ANKRD31: variants seen among roughly 807,000 people sequenced by gnomAD.
ANKRD31 encodes the protein ankyrin repeat domain 31, also known as ankyrin repeat domain-containing protein 31.
In ANKRD31, 147 loss-of-function variants were observed where a neutral mutation model predicts 186.0. The ratio of observed to expected loss-of-function variants is 0.79; its 90% CI spans 0.69 to 0.91. The LOEUF is 0.91. Among genes scored for constraint, ANKRD31 ranks in the 40% least tolerant of loss-of-function variants. The probability of loss-of-function intolerance (pLI) is 0.00; values close to 1 mark genes in which losing one functional copy is unlikely to be tolerated. For synonymous variants in ANKRD31, 673 were observed against 736.4 expected, an observed-to-expected ratio of 0.91 and a Z score of 1.39; for missense variants, 1,986 against 2,148.8, an observed-to-expected ratio of 0.92 and a Z score of 1.50.
chr5:75,119,714 G>T (rs1030434496), intron 17 of ANKRD31, among the ~76,000 whole-genome samples: 3 of 152,204 alleles, frequency 2.0e-5, no homozygotes, highest in Non-Finnish European at 2.9e-5. Context: ...CCTACCAACA[G>T]TGTACAAGTG....
At chr5:75,202,132 A>G (rs1403166378) in intron 5 of ANKRD31, among the ~76,000 whole-genome samples, 1 of 152,170 alleles carries the variant, frequency 6.6e-6, no homozygotes, top group Non-Finnish European at 1.5e-5. Context: ...CTGTGCCCTG[A>G]CCACCTTGGG....
At chr5:75,141,508 G>A (rs1751044665) in intron 15 of ANKRD31, among the ~76,000 whole-genome samples, 1 of 152,078 alleles carries the variant, frequency 6.6e-6, no homozygotes, top group African/African-American at 2.4e-5. Flanking sequence ...TGAGGCAGCA[G>A]GAGTTTGAGA....
intron 3 of ANKRD31, among the ~76,000 whole-genome samples, chr5:75,222,003 A>T (rs1007190133): frequency 6.6e-6 from 1 of 152,210 alleles, no homozygotes; most frequent in South Asian, 2.1e-4. Context: ...ACAGAGGGTC[A>T]GCATCCCTAA....
At chr5:75,156,259 G>A (rs1482126555) in intron 11 of ANKRD31, among the ~76,000 whole-genome samples, 2 of 152,124 alleles carry the variant, frequency 1.3e-5, no homozygotes, top group Non-Finnish European at 2.9e-5. Context: ...TAATAACTAG[G>A]TGGTCTTGGG....
intron 10 of ANKRD31, among the ~76,000 whole-genome samples, chr5:75,173,805 C>A (rs1459478228): frequency 6.6e-6 from 1 of 152,104 alleles, no homozygotes; most frequent in Admixed American, 6.5e-5. Context: ...GCCATACTGC[C>A]CAAGGTAATT....
intron 17 of ANKRD31, among the ~76,000 whole-genome samples, chr5:75,129,225 A>G (rs976132652): frequency 1.3e-5 from 2 of 152,168 alleles, no homozygotes; most frequent in African/African-American, 4.8e-5. Context: ...ACCTTCCACC[A>G]TGATTTTAAG....
rs1580423682 is a variant in ANKRD31, at chr5:75,144,060, T to C, written c.3536A>G (p.His1179Arg). The change falls in exon 15 of 26, where the codon CAC (histidine) becomes CGC (arginine). Residue 1179 changes from histidine to arginine, a missense_variant. Transcript: ENST00000506364. ...EIHMPTNSQEHKTVQNFRKRQ... is the reference protein window; with the variant it reads ...EIHMPTNSQERKTVQNFRKRQ... ...TTTTCTGAAATTCTGAACTGTTTTGTGTTCTTGGCTATTAGTAGGCATGTG... is the reference window on the plus strand; with the variant it reads ...TTTTCTGAAATTCTGAACTGTTTTGCGTTCTTGGCTATTAGTAGGCATGTG... 2 of 397,618 alleles carry C rather than the reference T, an allele frequency of 5.0e-6. No individual in the cohort carries two copies. The highest frequency in any genetic ancestry group is 7.2e-5 in the East Asian group (2 of 27,938). 24.6% of individuals were successfully genotyped at this position (397,618 alleles called of 1,614,324 possible). A position where few individuals can be genotyped will look rare whatever the true frequency, so the allele number is the denominator to read the frequency against.
intron 10 of ANKRD31, among the ~76,000 whole-genome samples, chr5:75,178,519 A>T (rs1440271869): frequency 2.0e-5 from 3 of 152,206 alleles, no homozygotes; most frequent in African/African-American, 7.2e-5. Flanking sequence ...AAGAATGGAA[A>T]TTATAACAAA....
Position 75,118,284 on chromosome 5 carries a change from A to T in ANKRD31, c.3890T>A (p.Leu1297Gln). 1 of 1,498,754 alleles carries T rather than the reference A, an allele frequency of 6.7e-7. No individual in the cohort carries two copies. 92.8% of individuals were successfully genotyped at this position (1,498,754 alleles called of 1,614,324 possible). The change falls in exon 18 of 26, where the codon CTA (leucine) becomes CAA (glutamine). Residue 1297 changes from leucine to glutamine, a missense_variant. Leu to Gln is a moderately radical substitution (Grantham distance 113). Coordinates refer to ENST00000506364, the MANE Select transcript of ANKRD31 (RefSeq NM_001372053.1). Reference protein sequence around the residue: ...ANNHLKAAEILLQNGANPNQK... With the variant: ...ANNHLKAAEIQLQNGANPNQK... ...ATTAGGGTTTGCTCCATTTTGTAGT[A>T]GAATCTCAGCTGCCTACAAAGTATT...
At chr5:75,153,759 A>G (rs928104469) in intron 12 of ANKRD31, among the ~76,000 whole-genome samples, 10 of 152,148 alleles carry the variant, frequency 6.6e-5, no homozygotes, top group African/African-American at 2.4e-4. Context: ...TTTTATTGAA[A>G]ACTATAGATC....
rs1445954360 is a variant in ANKRD31 at position 75,222,257 on chromosome 5, T to C, written c.280A>G (p.Ile94Val). 2.6e-6 allele frequency: 4 copies of C among 1,533,840 alleles called. No homozygotes were observed. The highest frequency in any genetic ancestry group is 2.4e-5 in the East Asian group (1 of 40,852). Residue 94 changes from isoleucine (I) to valine (V), a missense_variant, in exon 3 of 26, where the codon ATA becomes GTA. Transcript: ENST00000506364. The part of the protein sequence containing the change: ...KMMPVLSEDT[I>V]LQSQDETERN... ...ATCAACATGCTACACACCTGTAATA[T>C]TGTATCCTCGCTAAGAACAGGCATC...
At chr5:75,099,955 CT>C (rs748918671) in intron 22 of ANKRD31, among the ~76,000 whole-genome samples, 10 of 152,080 alleles carry the variant, frequency 6.6e-5, no homozygotes, top group Non-Finnish European at 1.3e-4. Flanking sequence ...TATTTCTTGA[CT>C]TCTGCTAGCT....
intron 10 of ANKRD31, among the ~76,000 whole-genome samples, chr5:75,171,705 A>C (rs1054624635): frequency 6.6e-5 from 10 of 151,934 alleles, no homozygotes; most frequent in East Asian, 3.9e-4. Context: ...CTAAAAAAAA[A>C]CCACAACTTA....
chr5:75,230,435 T>C, intron 2 of ANKRD31, 127 bp downstream of exon 2: 2 of 637,068 alleles, frequency 3.1e-6, no homozygotes, highest in Non-Finnish European at 5.2e-6. Flanking sequence ...AATTAGCTTA[T>C]GGTAAAATTG....
chr5:75,193,067 A>T (rs1434131241), intron 8 of ANKRD31, among the ~76,000 whole-genome samples: 1 of 152,084 alleles, frequency 6.6e-6, no homozygotes, highest in Non-Finnish European at 1.5e-5. Flanking sequence ...TTACTCCCCA[A>T]GTTGGCATGC....
intron 3 of ANKRD31, among the ~76,000 whole-genome samples, chr5:75,214,943 T>C (rs1045170183): frequency 1.3e-5 from 2 of 152,136 alleles, no homozygotes; most frequent in African/African-American, 2.4e-5. Flanking sequence ...TGTGTACATA[T>C]GTAGAAAGAG....
At chr5:75,187,149 T>TGTGTGTGTGTGTG (rs1561518092) in intron 10 of ANKRD31, among the ~76,000 whole-genome samples, 54 of 148,484 alleles carry the variant, frequency 3.6e-4, no homozygotes, top group South Asian at 1.3e-3. Flanking sequence ...TGTGTGTGTG[T>TGTGTGTGTGTGTG]TTTGGGAGGT....
At chr5:75,072,044 T>C (rs1170775895) in intron 25 of ANKRD31, among the ~76,000 whole-genome samples, 7 of 152,376 alleles carry the variant, frequency 4.6e-5, no homozygotes, top group Non-Finnish European at 2.9e-5. Flanking sequence ...GAATTTTCAA[T>C]GTAAAGTTTC....
chr5:75,223,281 G>C (rs1757417321), intron 2 of ANKRD31, among the ~76,000 whole-genome samples: 1 of 150,654 alleles, frequency 6.6e-6, no homozygotes, highest in African/African-American at 2.5e-5. Context: ...CAATTATTAA[G>C]AGGAAACACA....
Sources: allele counts gnomAD v4.1 joint callset (sites outside exome capture counted in the v4.1 genomes callset), GRCh38; gene constraint gnomAD v4.1.1; transcripts MANE v1.5; gene names NCBI Gene and HGNC (gene_info 2026-07-23, HGNC 2026-07-21).